Variants in FLYWCH2 observed in about 807,000 individuals in gnomAD.
The protein encoded by FLYWCH2 is FLYWCH family member 2.
A neutral mutation model predicts 6.0 loss-of-function variants in FLYWCH2; 2 were observed. That is an observed-to-expected ratio of 0.33 (90% CI 0.14 to 1.04). The LOEUF (loss-of-function observed/expected upper bound fraction) is 1.04, where lower values mean the gene tolerates loss of function less well. Ranked by LOEUF, FLYWCH2 falls within the 50% of genes least tolerant of loss-of-function variation. The pLI, the probability that FLYWCH2 is intolerant of heterozygous loss-of-function variation, is 0.45. For missense variants in FLYWCH2, 192 were observed against 183.4 expected, an observed-to-expected ratio of 1.05 and a Z score of -0.27; for synonymous variants, 87 against 79.3, an observed-to-expected ratio of 1.10 and a Z score of -0.52.
rs2069858068 is a variant in FLYWCH2, at chr16:2,899,266, TTC to T, written c.*119_*120del. On this transcript the variant is annotated 3_prime_UTR_variant, in exon 4 of 4. Coordinates refer to ENST00000396958, the MANE Select transcript of FLYWCH2 (RefSeq NM_138439.3). ...TGCTTTTAACATTGTGTGATTTCTT[TTC>T]TTTTTTTTTTTTTTTTTAGATCAAG... is the stretch of plus-strand genomic sequence containing the variant. 6.0e-6 allele frequency: 3 copies of T among 502,232 alleles called. No homozygotes were observed. Among genetic ancestry groups the T allele is most frequent in the South Asian group, 3.1e-5 (1 of 32,440 alleles). 31.1% of individuals were successfully genotyped at this position (502,232 alleles called of 1,614,324 possible).
chr16:2,883,669 C>A (rs940462741), intron 1 of FLYWCH2, among the ~76,000 whole-genome samples: 1 of 152,272 alleles, frequency 6.6e-6, no homozygotes, highest in Non-Finnish European at 1.5e-5. Flanking sequence ...ACCCCCCAAC[C>A]CCCGCCGGCC....
Position 2,896,429 on chromosome 16 carries a change from G to A in FLYWCH2, c.-21G>A, listed in dbSNP as rs2069820113. ...TGCTGGGGGCTGAGTGTGGCCTGAG[G>A]GACAGGCCCTGGGTCCCGGGATGCC... On this transcript the variant is annotated 5_prime_UTR_variant, in exon 3 of 4. Coordinates refer to ENST00000396958, the MANE Select transcript of FLYWCH2 (RefSeq NM_138439.3). The A allele has an allele frequency of 6.3e-7, 1 of 1,595,386 alleles. No individual in the cohort carries two copies. The highest frequency in any genetic ancestry group is 1.3e-5 in the African/African-American group (1 of 74,544).
rs554416186 is a variant in FLYWCH2 at position 2,887,077 on chromosome 16, T to G, written c.-200+3711T>G. ...AAGAAAGCTTTGCCTAATCTAAGGTTATGAGAATTTAGTTTTTCTTTTAAA... is the reference window on the plus strand; with the variant it reads ...AAGAAAGCTTTGCCTAATCTAAGGTGATGAGAATTTAGTTTTTCTTTTAAA... On this transcript the variant is annotated intron_variant, in intron 1 of 3. Coordinates refer to ENST00000396958, the MANE Select transcript of FLYWCH2 (RefSeq NM_138439.3). Among the ~76,000 whole-genome samples the G allele has an allele frequency of 2.6e-5, 4 of 152,214 alleles. 1 individual carries two copies. The highest frequency in any genetic ancestry group is 9.6e-5 in the African/African-American group (4 of 41,492).
At chr16:2,889,172 T>C (rs935302982) in intron 1 of FLYWCH2, among the ~76,000 whole-genome samples, 6 of 151,530 alleles carry the variant, frequency 4.0e-5, no homozygotes, top group South Asian at 4.2e-4. Context: ...TATACATGTG[T>C]ATACAGTCAT....
chr16:2,895,563 C>T (rs949202891), intron 2 of FLYWCH2, among the ~76,000 whole-genome samples: 5 of 152,348 alleles, frequency 3.3e-5, no homozygotes, highest in African/African-American at 1.2e-4. Context: ...TGCAGTGAGC[C>T]AAGATCGTGC....
intron 1 of FLYWCH2, among the ~76,000 whole-genome samples, chr16:2,889,957 T>C (rs1056188915): frequency 2.6e-5 from 4 of 152,076 alleles, no homozygotes; most frequent in Non-Finnish European, 5.9e-5. Context: ...TAGTGGTGCG[T>C]GTCTGTAGTC....
intron 1 of FLYWCH2, among the ~76,000 whole-genome samples, chr16:2,894,482 T>C (rs1018662069): frequency 2.0e-5 from 3 of 152,150 alleles, no homozygotes; most frequent in Admixed American, 1.3e-4. Context: ...CGCTATGTGG[T>C]TGGGGCCTCC....
intron 2 of FLYWCH2, among the ~76,000 whole-genome samples, chr16:2,896,098 C>T (rs2069816327): frequency 6.6e-6 from 1 of 152,244 alleles, no homozygotes; most frequent in Non-Finnish European, 1.5e-5. Flanking sequence ...ATTAGTCATT[C>T]TGATGGCCCC....
chr16:2,890,913 G>A (rs1251777768), intron 1 of FLYWCH2, among the ~76,000 whole-genome samples: 1 of 152,136 alleles, frequency 6.6e-6, no homozygotes, highest in Non-Finnish European at 1.5e-5. Context: ...AACAATCAAG[G>A]GAGGGGACTT....
intron 1 of FLYWCH2, among the ~76,000 whole-genome samples, chr16:2,885,129 T>C (rs1043601694): frequency 1.3e-5 from 2 of 152,124 alleles, no homozygotes; most frequent in African/African-American, 4.8e-5. Context: ...GAGACCATCC[T>C]GGCTAACACG....
chr16:2,898,184 C>T (rs1023385646), intron 3 of FLYWCH2, among the ~76,000 whole-genome samples: 1 of 152,190 alleles, frequency 6.6e-6, no homozygotes, highest in Non-Finnish European at 1.5e-5. Context: ...ATGGTGGTGT[C>T]CGCAGCCACA....
At chr16:2,885,818 G>A (rs185262834) in intron 1 of FLYWCH2, among the ~76,000 whole-genome samples, 1 of 152,156 alleles carries the variant, frequency 6.6e-6, no homozygotes, top group African/African-American at 2.4e-5. Context: ...ATGTGGACAT[G>A]TGTTTTCCTT....
At chr16:2,886,418 G>T (rs1465860657) in intron 1 of FLYWCH2, among the ~76,000 whole-genome samples, 1 of 150,776 alleles carries the variant, frequency 6.6e-6, no homozygotes, top group Admixed American at 6.6e-5. Flanking sequence ...ATGTTGTCTA[G>T]GCTGATCTCG....
At chr16:2,890,251 GTT>G (rs1182958302) in intron 1 of FLYWCH2, among the ~76,000 whole-genome samples, 1 of 146,256 alleles carries the variant, frequency 6.8e-6, no homozygotes, top group Non-Finnish European at 1.5e-5. Flanking sequence ...TGTTTTTGTT[GTT>G]TTTTGGTTTT....
rs976301784 is a variant in FLYWCH2, at chr16:2,896,406, C to T, written c.-44C>T. On this transcript the variant is annotated 5_prime_UTR_variant, in exon 3 of 4. Transcript: ENST00000396958. Reference sequence around the variant, plus strand: ...CCTGGGAGTAGGAGAAATCCACCTGCTGGGGGCTGAGTGTGGCCTGAGGGA... The same window carrying T: ...CCTGGGAGTAGGAGAAATCCACCTGTTGGGGGCTGAGTGTGGCCTGAGGGA... 6.4e-6 allele frequency: 10 copies of T among 1,558,922 alleles called. No homozygotes were observed. Among genetic ancestry groups the T allele is most frequent in the Non-Finnish European group, 4.3e-6 (5 of 1,155,786 alleles).
chr16:2,889,196 C>T (rs2069729500), intron 1 of FLYWCH2, among the ~76,000 whole-genome samples: 2 of 145,630 alleles, frequency 1.4e-5, no homozygotes, highest in Non-Finnish European at 1.5e-5. Context: ...TCAATCTGTT[C>T]TTCTAACCTT....
At position 2,896,347 on chromosome 16, in the gene FLYWCH2, C is replaced by A; in HGVS notation, c.-98-5C>A. ...CCACTGACGGGATTTTGCTTCCTTC[C>A]TTAGGACGGAACCGCTGGACTCCAG... is the stretch of plus-strand genomic sequence containing the variant. On this transcript the variant is annotated splice_region_variant and splice_polypyrimidine_tract_variant and intron_variant, in intron 2 of 3. Transcript: ENST00000396958. 1 of 1,417,720 alleles carries A rather than the reference C, an allele frequency of 7.1e-7. No homozygotes were observed. The highest frequency in any genetic ancestry group is 9.3e-7 in the Non-Finnish European group (1 of 1,076,240). 87.8% of individuals were successfully genotyped at this position (1,417,720 alleles called of 1,614,324 possible).
At chr16:2,889,730 A>G (rs1343220670) in intron 1 of FLYWCH2, among the ~76,000 whole-genome samples, 1 of 152,148 alleles carries the variant, frequency 6.6e-6, no homozygotes, top group Non-Finnish European at 1.5e-5. Flanking sequence ...GAGTCCCTAT[A>G]GATCTTCCCC....
rs181264377 is a variant in FLYWCH2, at chr16:2,891,669, G to T, written c.-199-3551G>T. 4.8e-3 allele frequency among the ~76,000 whole-genome samples: 733 copies of T among 152,088 alleles called. 7 individuals carry two copies. Among genetic ancestry groups the T allele is most frequent in the African/African-American group, 0.016 (653 of 41,530 alleles). On this transcript the variant is annotated intron_variant, in intron 1 of 3. Transcript: ENST00000396958. ...ATCCACCCGCCTTGCCTCCCAAAGT[G>T]CTGGGATTATAGGCGTGAGCCACCG... is the stretch of plus-strand genomic sequence containing the variant.
Sources: allele counts gnomAD v4.1 joint callset (sites outside exome capture counted in the v4.1 genomes callset), GRCh38; gene constraint gnomAD v4.1.1; transcripts MANE v1.5; gene names NCBI Gene and HGNC (gene_info 2026-07-23, HGNC 2026-07-21).